The following PAK2 variants were observed in gnomAD, a reference collection of about 807,000 sequenced individuals.
The protein encoded by PAK2 is serine/threonine-protein kinase PAK 2.
In PAK2, 21 loss-of-function variants were observed where a neutral mutation model predicts 65.9. The observed-to-expected ratio is 0.32, with a 90% confidence interval of 0.23 to 0.46. PAK2 has a LOEUF of 0.46. PAK2 is among the 20% of genes least tolerant of loss of function. The pLI, the probability that PAK2 is intolerant of heterozygous loss-of-function variation, is 1.00. For synonymous variants in PAK2, 204 were observed against 219.7 expected (o/e 0.93, Z 0.63); for missense variants, 324 against 642.6 (o/e 0.50, Z 5.36).
At chr3:196,772,559 G>A (rs894105111) in intron 1 of PAK2, among the ~76,000 whole-genome samples, 10 of 152,084 alleles carry the variant, frequency 6.6e-5, no homozygotes, top group East Asian at 1.9e-4. Context: ...CTCTTTTCTC[G>A]CTTTCCCTCT....
rs1352867169 is a variant in PAK2 at position 196,739,873 on chromosome 3, G to C, written c.-306G>C. 1 of 151,064 alleles carries C rather than the reference G, an allele frequency of 6.6e-6. No homozygotes were observed. Among genetic ancestry groups the C allele is most frequent in the Admixed American group, 6.6e-5 (1 of 15,238 alleles). The allele number at this position is 151,064 out of a possible 1,614,324, so 9.4% of individuals were successfully genotyped here. The stretch of plus-strand genomic sequence containing the variant: ...CTCCCCGCCGTCTTCCTCCCCCAGG[G>C]TTGTGGCCACGCGCAGCGGCGGCGG... On this transcript the variant is annotated 5_prime_UTR_variant, in exon 1 of 15. Transcript: ENST00000327134.
chr3:196,808,986 C>A (rs1040044571), intron 7 of PAK2, among the ~76,000 whole-genome samples: 4 of 151,774 alleles, frequency 2.6e-5, no homozygotes, highest in Non-Finnish European at 4.4e-5. Context: ...CCTATAATCT[C>A]GGTACGTTGG....
chr3:196,742,100 T>TTA (rs1713213667), intron 1 of PAK2, among the ~76,000 whole-genome samples: 1 of 21,444 alleles, frequency 4.7e-5, no homozygotes, highest in Admixed American at 4.2e-4. Context: ...TTAATATTTC[T>TTA]TTTTTTTTTT....
At chr3:196,807,730 A>G (rs970398732) in intron 6 of PAK2, 52 bp from the exon 7 acceptor site, 1 of 1,056,780 alleles carries the variant, frequency 9.5e-7, no homozygotes, top group Non-Finnish European at 1.4e-6. Context: ...GCCAGGAAGA[A>G]TATCTGAAAA....
intron 2 of PAK2, among the ~76,000 whole-genome samples, chr3:196,793,369 C>A (rs1715137673): frequency 6.6e-6 from 1 of 152,092 alleles, no homozygotes; most frequent in Non-Finnish European, 1.5e-5. Flanking sequence ...TGACTCACAG[C>A]CTCAGACAGG....
chr3:196,789,307 A>G (rs1202045856), intron 2 of PAK2, among the ~76,000 whole-genome samples: 1 of 152,152 alleles, frequency 6.6e-6, no homozygotes, highest in African/African-American at 2.4e-5. Context: ...ACCTATAAGC[A>G]CCTTCACTTC....
chr3:196,761,466 G>A (rs575020231), intron 1 of PAK2, among the ~76,000 whole-genome samples: 939 of 76,238 alleles, frequency 0.012, 19 homozygotes, highest in African/African-American at 0.047. Flanking sequence ...AGAGCACAGG[G>A]TTGGGGGTAA....
At chr3:196,825,840 G>GT (rs1035267529) in intron 13 of PAK2, among the ~76,000 whole-genome samples, 2 of 151,764 alleles carry the variant, frequency 1.3e-5, no homozygotes, top group South Asian at 2.1e-4. Flanking sequence ...GGGATAATTT[G>GT]TTTTTTTGGT....
At chr3:196,824,284 G>A (rs932873234) in intron 13 of PAK2, among the ~76,000 whole-genome samples, 1 of 152,122 alleles carries the variant, frequency 6.6e-6, no homozygotes, top group South Asian at 2.1e-4. Flanking sequence ...CTGCCTGATG[G>A]GGGGAAAAAG....
At chr3:196,794,511 CA>C (rs577659253) in intron 2 of PAK2, among the ~76,000 whole-genome samples, 55 of 152,332 alleles carry the variant, frequency 3.6e-4, no homozygotes, top group South Asian at 2.9e-3. Flanking sequence ...TCCCCCAATT[CA>C]CAGTGTCTAC....
At chr3:196,750,934 A>AT (rs1381261593) in intron 1 of PAK2, among the ~76,000 whole-genome samples, 2 of 152,182 alleles carry the variant, frequency 1.3e-5, no homozygotes, top group African/African-American at 4.8e-5. Context: ...GTTCTTTGGC[A>AT]TTAAGTACTC....
chr3:196,777,194 G>T (rs1201576896), intron 1 of PAK2, among the ~76,000 whole-genome samples: 1 of 152,028 alleles, frequency 6.6e-6, no homozygotes, highest in African/African-American at 2.4e-5. Context: ...TAAACAACTT[G>T]GTTTTTTTTG....
At chr3:196,763,333 C>G (rs75785970) in intron 1 of PAK2, among the ~76,000 whole-genome samples, 15 of 152,288 alleles carry the variant, frequency 9.8e-5, no homozygotes, top group African/African-American at 3.6e-4. Flanking sequence ...CTATTGGAGT[C>G]TGATGCTGGA....
chr3:196,771,277 A>G (rs577392642), intron 1 of PAK2, among the ~76,000 whole-genome samples: 2 of 152,172 alleles, frequency 1.3e-5, no homozygotes, highest in Admixed American at 1.3e-4. Flanking sequence ...CCATTCAATT[A>G]CTGCTTCTGT....
At chr3:196,809,173 G>A (rs901539571) in intron 7 of PAK2, among the ~76,000 whole-genome samples, 21 of 150,520 alleles carry the variant, frequency 1.4e-4, no homozygotes, top group African/African-American at 4.9e-4. Context: ...GCTTGAGCCC[G>A]TGAGTTCAAG....
intron 1 of PAK2, among the ~76,000 whole-genome samples, chr3:196,767,912 C>T (rs1714228110): frequency 6.6e-6 from 1 of 152,076 alleles, no homozygotes; most frequent in South Asian, 2.1e-4. Flanking sequence ...ATCATATGGA[C>T]TCTGCTGTTG....
chr3:196,765,143 C>CT lies in PAK2; in HGVS notation c.-21-17461dup, dbSNP rs58406576. 3.8e-3 allele frequency among the ~76,000 whole-genome samples: 373 copies of CT among 98,860 alleles called. 8 individuals carry two copies. The highest frequency in any genetic ancestry group is 0.011 in the African/African-American group (266 of 24,362). The allele number at this position is 98,860 out of a possible 152,430, so 64.9% of individuals were successfully genotyped here. On this transcript the variant is annotated intron_variant, in intron 1 of 14. Transcript: ENST00000327134. ...ACAGGCATGAGCCACCGTGCCCGGC[C>CT]TTTTTTTTTTTTTTTTTTTTTTGAG...
At position 196,801,918 on chromosome 3, in the gene PAK2, G is replaced by T. The variant is rs1297602752; in HGVS notation, c.188-9G>T. On this transcript the variant is annotated splice_polypyrimidine_tract_variant and intron_variant, in intron 2 of 14. Coordinates refer to ENST00000327134, the MANE Select transcript of PAK2 (RefSeq NM_002577.4). ...CTGATTCTTTCTCTTTTTTTCTAATGCCCCCTAGGAAGTAAAAAGAAAGAA... is the reference window on the plus strand; with the variant it reads ...CTGATTCTTTCTCTTTTTTTCTAATTCCCCCTAGGAAGTAAAAAGAAAGAA... 1 of 1,395,762 alleles carries T rather than the reference G, an allele frequency of 7.2e-7. No individual in the cohort carries two copies. The highest frequency in any genetic ancestry group is 1.7e-5 in the Admixed American group (1 of 58,058). 86.5% of individuals were successfully genotyped at this position (1,395,762 alleles called of 1,614,324 possible).
rs201505050 is a variant in PAK2, at chr3:196,827,188, A to G, written c.1351-8A>G. 1.0e-4 allele frequency: 159 copies of G among 1,584,770 alleles called. 1 individual carries two copies. The highest frequency in any genetic ancestry group is 1.7e-5 in the Admixed American group (1 of 57,190). On this transcript the variant is annotated splice_region_variant and splice_polypyrimidine_tract_variant and intron_variant, in intron 13 of 14. Transcript: ENST00000327134. ...TTAAGTGGATCAAAGATGTTCTTCT[A>G]TTTTTAGGCCTTGTACCTAATAGCA...
Sources: gnomAD v4.1 joint callset for allele counts (sites outside exome capture counted in the v4.1 genomes callset) on GRCh38, gnomAD v4.1.1 for gene constraint, MANE v1.5 for transcripts, NCBI Gene and HGNC (gene_info 2026-07-23, HGNC 2026-07-21) for gene names.